Variants in ZFYVE28 observed in about 807,000 individuals in gnomAD.
The protein encoded by ZFYVE28 is lateral signaling target protein 2 homolog.
Under a neutral mutation model 82.1 loss-of-function variants are expected in ZFYVE28, and 40 were observed. The ratio of observed to expected loss-of-function variants is 0.49; its 90% CI spans 0.38 to 0.63. The LOEUF (loss-of-function observed/expected upper bound fraction) is 0.63. Among genes scored for constraint, ZFYVE28 ranks in the 30% least tolerant of loss-of-function variants. The pLI is 0.00. For synonymous variants in ZFYVE28, 612 were observed against 546.1 expected (o/e 1.12, Z -1.68); for missense variants, 1,321 against 1,242.1 (o/e 1.06, Z -0.96).
rs1011442157 is a variant in ZFYVE28 at position 2,362,557 on chromosome 4, T to A, written c.40-8484A>T. On this transcript the variant is annotated intron_variant, in intron 1 of 12. Transcript: ENST00000290974. This position sits in a 1 kb window ranked among gnomAD's most constrained non-coding sequence, Gnocchi z 5.1. ...TGTCCGCACTGAGGCCAGACGTCCA[T>A]GGGCAGCCATGACCCATGTCCCCAA... is the stretch of plus-strand genomic sequence containing the variant. Among the ~76,000 whole-genome samples the A allele has an allele frequency of 6.6e-6, 1 of 152,022 alleles. No individual in the cohort carries two copies. The highest frequency in any genetic ancestry group is 1.5e-5 in the Non-Finnish European group (1 of 67,982).
intron 8 of ZFYVE28, among the ~76,000 whole-genome samples, chr4:2,291,757 C>T (rs1420812827): frequency 2.0e-5 from 3 of 152,212 alleles, no homozygotes; most frequent in Non-Finnish European, 1.5e-5. Context: ...TGCCGATGCC[C>T]ATCCCACTCC....
intron 8 of ZFYVE28, among the ~76,000 whole-genome samples, chr4:2,282,191 G>A (rs1427876155): frequency 2.0e-5 from 3 of 152,188 alleles, no homozygotes; most frequent in South Asian, 2.1e-4. Flanking sequence ...CTCCCGCACC[G>A]GCTGCCTGAA....
rs34092714 is a variant in ZFYVE28, at chr4:2,368,211, C to CA, written c.40-14139dup. Reference sequence around the variant, plus strand: ...TGGGCAACAAAGCAACACATCTCTACAAAAAAAAAAAAAAAAAAACACTGT... The same window carrying CA: ...TGGGCAACAAAGCAACACATCTCTACAAAAAAAAAAAAAAAAAAAACACTGT... On this transcript the variant is annotated intron_variant, in intron 1 of 12. Transcript: ENST00000290974. 3.5e-3 allele frequency among the ~76,000 whole-genome samples: 302 copies of CA among 86,182 alleles called. 11 individuals carry two copies. The highest frequency in any genetic ancestry group is 9.1e-3 in the South Asian group (19 of 2,098). The allele number at this position is 86,182 out of a possible 152,430, so 56.5% of individuals were successfully genotyped here.
At chr4:2,318,332 C>T (rs552726878) in intron 7 of ZFYVE28, among the ~76,000 whole-genome samples, 6 of 152,088 alleles carry the variant, frequency 3.9e-5, no homozygotes, top group Admixed American at 6.5e-5. Flanking sequence ...CCGAGGCGGG[C>T]GGATCACCTG....
chr4:2,337,988 G>T (rs114090034), intron 4 of ZFYVE28, among the ~76,000 whole-genome samples: 1 of 152,192 alleles, frequency 6.6e-6, no homozygotes, highest in Non-Finnish European at 1.5e-5. Context: ...CTGCCCATGC[G>T]GGACAGTTGT....
At chr4:2,405,047 A>T (rs926286335) in intron 1 of ZFYVE28, among the ~76,000 whole-genome samples, 1 of 152,032 alleles carries the variant, frequency 6.6e-6, no homozygotes, top group Non-Finnish European at 1.5e-5. Context: ...TCAATCTCTT[A>T]AAAGATTAAA....
At chr4:2,308,560 G>A (rs940831577) in intron 7 of ZFYVE28, among the ~76,000 whole-genome samples, 1 of 147,294 alleles carries the variant, frequency 6.8e-6, no homozygotes, top group Non-Finnish European at 1.5e-5. Context: ...GAAAGAAAGA[G>A]AAAGGAAAGA....
chr4:2,365,100 G>A (rs1197797479), intron 1 of ZFYVE28, among the ~76,000 whole-genome samples: 1 of 151,218 alleles, frequency 6.6e-6, no homozygotes, highest in Non-Finnish European at 1.5e-5. Context: ...CAGGCAGTGG[G>A]CAGCGGGCAG....
At chr4:2,374,650 G>GAAGGAA (rs1560303811) in intron 1 of ZFYVE28, among the ~76,000 whole-genome samples, 1 of 151,862 alleles carries the variant, frequency 6.6e-6, no homozygotes, top group African/African-American at 2.4e-5. Context: ...AGGAGAAGGA[G>GAAGGAA]GAGGAGGGGG....
At position 2,412,818 on chromosome 4, in the gene ZFYVE28, G is replaced by A. The variant is rs577612529; in HGVS notation, c.39+5467C>T. Among the ~76,000 whole-genome samples the A allele has an allele frequency of 1.4e-4, 22 of 152,236 alleles. No individual in the cohort carries two copies. In the East Asian group the frequency reaches 3.5e-3, roughly 24 times the overall value. The stretch of plus-strand genomic sequence containing the variant: ...GTGGCTGAAAATGGCCACTGAAGCC[G>A]CCTTAAATTAGCCATCTCTCCTCTT... On this transcript the variant is annotated intron_variant, in intron 1 of 12. Transcript: ENST00000290974.
chr4:2,361,966 C>T (rs771365705), intron 1 of ZFYVE28, among the ~76,000 whole-genome samples: 4 of 152,226 alleles, frequency 2.6e-5, no homozygotes, highest in African/African-American at 4.8e-5. Flanking sequence ...GGACCAGCCC[C>T]GCCCCATGGG....
At chr4:2,282,350 C>G (rs1712076548) in intron 8 of ZFYVE28, among the ~76,000 whole-genome samples, 1 of 152,242 alleles carries the variant, frequency 6.6e-6, no homozygotes, top group Admixed American at 6.5e-5. Context: ...GCTGCCCAGC[C>G]TGTGTCTTCA....
intron 1 of ZFYVE28, chr4:2,364,900 G>A: frequency 1.0e-6 from 1 of 985,566 alleles, no homozygotes. Context: ...GGAAGAGGCG[G>A]CGCGGAGGGA....
At chr4:2,350,454 A>T (rs1724240568) in intron 2 of ZFYVE28, among the ~76,000 whole-genome samples, 1 of 151,152 alleles carries the variant, frequency 6.6e-6, no homozygotes, top group Admixed American at 6.6e-5. Flanking sequence ...ACAGAGCGAG[A>T]CTCCGTCTCA....
In ZFYVE28 at chr4:2,362,587, G is replaced by A. The variant is rs1726313667; in HGVS notation, c.40-8514C>T. On this transcript the variant is annotated intron_variant, in intron 1 of 12. Coordinates refer to ENST00000290974, the MANE Select transcript of ZFYVE28 (RefSeq NM_020972.3). This position sits in a 1 kb window ranked among gnomAD's most constrained non-coding sequence, Gnocchi z 5.1. ...AGCCATGACCCATGTCCCCAAGGCA[G>A]GCCTCATCCACAGCAGACACCCCAG... Among the ~76,000 whole-genome samples, 1 of 152,074 alleles carries A rather than the reference G, an allele frequency of 6.6e-6. No individual in the cohort carries two copies. Among genetic ancestry groups the A allele is most frequent in the Admixed American group, 6.5e-5 (1 of 15,288 alleles).
Position 2,341,352 on chromosome 4 carries a change from T to C in ZFYVE28, c.318+126A>G. 1 of 1,334,164 alleles carries C rather than the reference T, an allele frequency of 7.5e-7. No homozygotes were observed. The allele number at this position is 1,334,164 out of a possible 1,614,324, so 82.6% of individuals were successfully genotyped here. On this transcript the variant is annotated intron_variant, in intron 3 of 12. Transcript: ENST00000290974. The surrounding 1 kb of genome is among the most constrained non-coding windows in gnomAD (Gnocchi z 4.5). ...TCAGACCACACCACGTAACCCAGAG[T>C]GGACGGAGCTCTTGGAGGAGACACC... is the stretch of plus-strand genomic sequence containing the variant.
intron 2 of ZFYVE28, among the ~76,000 whole-genome samples, chr4:2,342,014 C>T (rs1042763857): frequency 4.6e-5 from 7 of 152,222 alleles, no homozygotes; most frequent in Non-Finnish European, 8.8e-5. Flanking sequence ...AGAGCAGCAA[C>T]CGCAGGAGCC....
At chr4:2,403,622 C>A (rs1245319571) in intron 1 of ZFYVE28, among the ~76,000 whole-genome samples, 1 of 152,154 alleles carries the variant, frequency 6.6e-6, no homozygotes, top group African/African-American at 2.4e-5. Context: ...CTCTCAGGCC[C>A]CTCTCAGCAC....
At chr4:2,301,418 T>G (rs944653727) in intron 8 of ZFYVE28, among the ~76,000 whole-genome samples, 1 of 152,228 alleles carries the variant, frequency 6.6e-6, no homozygotes, top group Non-Finnish European at 1.5e-5. Flanking sequence ...GATCACCCTG[T>G]GATGTGCTTG....
Sources: allele counts gnomAD v4.1 joint callset (sites outside exome capture counted in the v4.1 genomes callset), GRCh38; gene constraint gnomAD v4.1.1; non-coding constraint Gnocchi (gnomAD v3.1); transcripts MANE v1.5; gene names NCBI Gene and HGNC (gene_info 2026-07-23, HGNC 2026-07-21).